The following AFG1L variants were observed in gnomAD, a reference collection of about 807,000 sequenced individuals.
AFG1L encodes the protein AFG1 like ATPase.
In AFG1L, 53 loss-of-function variants were observed where a neutral mutation model predicts 62.2. The observed-to-expected ratio is 0.85, with a 90% CI of 0.68 to 1.07. The LOEUF (loss-of-function observed/expected upper bound fraction) is 1.07. AFG1L is among the 50% of genes least tolerant of loss of function. The pLI is 0.00. For missense variants in AFG1L, 555 were observed against 590.5 expected (o/e 0.94, Z 0.62); for synonymous variants, 228 against 210.3 (o/e 1.08, Z -0.73).
At chr6:108,310,859 G>A (rs754322539) in intron 1 of AFG1L, among the ~76,000 whole-genome samples, 2 of 152,160 alleles carry the variant, frequency 1.3e-5, no homozygotes, top group African/African-American at 2.4e-5. Context: ...GTACAGGCAA[G>A]TGTGTCATTG....
At chr6:108,482,422 G>A (rs147607649) in intron 10 of AFG1L, among the ~76,000 whole-genome samples, 1 of 152,078 alleles carries the variant, frequency 6.6e-6, no homozygotes, top group Non-Finnish European at 1.5e-5. Flanking sequence ...CTAGTACAGA[G>A]AGTTTCCATA....
intron 10 of AFG1L, among the ~76,000 whole-genome samples, chr6:108,485,644 ATATATATATATATTTTTTTTT>A (rs1251937302): frequency 5.4e-5 from 1 of 18,460 alleles, no homozygotes; most frequent in Non-Finnish European, 9.7e-5. Context: ...ATATATATAT[ATATATATATATATTTTTTTTT>A]TTTTTTTTTT....
intron 6 of AFG1L, 68 bp downstream of exon 6, chr6:108,366,400 A>ATT (rs1344844331): frequency 2.1e-5 from 19 of 907,060 alleles, no homozygotes; most frequent in Non-Finnish European, 3.3e-5. Context: ...AAAATCCATA[A>ATT]TTTTGAACTA....
intron 12 of AFG1L, chr6:108,521,691 C>T (rs1775131069): frequency 6.6e-6 from 1 of 152,218 alleles, no homozygotes; most frequent in South Asian, 2.1e-4. Flanking sequence ...ATTCCAAGCC[C>T]ACTTAGTGGC....
intron 6 of AFG1L, among the ~76,000 whole-genome samples, chr6:108,380,880 A>G (rs1056702406): frequency 6.6e-6 from 1 of 152,200 alleles, no homozygotes; most frequent in Non-Finnish European, 1.5e-5. Flanking sequence ...CCTTTCTCAC[A>G]TACTGGGGCT....
chr6:108,516,705 T>C (rs1774909518), intron 11 of AFG1L, among the ~76,000 whole-genome samples: 2 of 152,100 alleles, frequency 1.3e-5, no homozygotes, highest in South Asian at 4.1e-4. Flanking sequence ...AAAGAGGAAG[T>C]CAAATTGTCC....
intron 3 of AFG1L, among the ~76,000 whole-genome samples, chr6:108,348,369 C>T (rs1055342655): frequency 1.3e-5 from 2 of 152,202 alleles, no homozygotes; most frequent in Admixed American, 6.5e-5. Flanking sequence ...TGAGCCATGG[C>T]GCCCAGCCAA....
At chr6:108,339,352 G>A (rs1020472431) in intron 2 of AFG1L, among the ~76,000 whole-genome samples, 3 of 151,796 alleles carry the variant, frequency 2.0e-5, no homozygotes, top group Non-Finnish European at 1.5e-5. Flanking sequence ...GTTGGCCAGG[G>A]TGGTCTCAAA....
chr6:108,446,091 CA>C (rs1562166627), intron 7 of AFG1L, among the ~76,000 whole-genome samples: 17 of 142,012 alleles, frequency 1.2e-4, no homozygotes, highest in South Asian at 4.3e-4. Context: ...CACACACACA[CA>C]CACACACACA....
intron 8 of AFG1L, among the ~76,000 whole-genome samples, chr6:108,462,540 G>A (rs935806647): frequency 3.9e-5 from 6 of 152,146 alleles, no homozygotes; most frequent in Non-Finnish European, 7.4e-5. Context: ...TTCACTATTT[G>A]AAACAGCACC....
intron 2 of AFG1L, among the ~76,000 whole-genome samples, chr6:108,341,225 T>C (rs959604452): frequency 6.6e-6 from 1 of 152,212 alleles, no homozygotes; most frequent in African/African-American, 2.4e-5. Flanking sequence ...TCTTTGGAAT[T>C]TATTGAAGTT....
intron 6 of AFG1L, among the ~76,000 whole-genome samples, chr6:108,384,256 G>T (rs1780669881): frequency 6.6e-6 from 1 of 152,154 alleles, no homozygotes; most frequent in Non-Finnish European, 1.5e-5. Context: ...AGAGTTTGCG[G>T]TAAGAACTAC....
At position 108,511,357 on chromosome 6, in the gene AFG1L, C is replaced by A. The variant is rs1000552614; in HGVS notation, c.1203+1005C>A. Among the ~76,000 whole-genome samples the A allele has an allele frequency of 3.3e-5, 5 of 152,202 alleles. No individual in the cohort carries two copies. In the East Asian group the frequency reaches 9.7e-4, roughly 29 times the overall value. ...ATCCGCATGTTTTAGTGTGAATTGC[C>A]AAGTCACTGCCCATTCATCAAAGGC... is the stretch of plus-strand genomic sequence containing the variant. On this transcript the variant is annotated intron_variant, in intron 11 of 12. Transcript: ENST00000368977.
chr6:108,461,544 G>A (rs987484490), intron 8 of AFG1L, among the ~76,000 whole-genome samples: 4 of 151,976 alleles, frequency 2.6e-5, no homozygotes, highest in Non-Finnish European at 4.4e-5. Flanking sequence ...CTGCAGCCTC[G>A]TCCTAGACTC....
intron 12 of AFG1L, 178 bp downstream of exon 12, chr6:108,519,988 T>A (rs1478009053): frequency 1.6e-5 from 7 of 430,308 alleles, no homozygotes; most frequent in Non-Finnish European, 2.5e-5. Flanking sequence ...TAGAAAATTA[T>A]AAACTTACAG....
At chr6:108,386,849 A>G (rs913079138) in intron 6 of AFG1L, among the ~76,000 whole-genome samples, 3 of 152,214 alleles carry the variant, frequency 2.0e-5, no homozygotes, top group Non-Finnish European at 2.9e-5. Flanking sequence ...AGAGCATGAA[A>G]AGCTAAGGAT....
intron 6 of AFG1L, among the ~76,000 whole-genome samples, chr6:108,369,145 A>G (rs1050745534): frequency 6.6e-6 from 1 of 152,116 alleles, no homozygotes. Context: ...GGAGAAAAAG[A>G]CTCAGAGAGA....
At chr6:108,427,671 G>A (rs1328535899) in intron 7 of AFG1L, among the ~76,000 whole-genome samples, 1 of 151,856 alleles carries the variant, frequency 6.6e-6, no homozygotes, top group African/African-American at 2.4e-5. Flanking sequence ...ACAGGTGAAC[G>A]CCACCATACC....
Position 108,510,236 on chromosome 6 carries a change from G to A in AFG1L, c.1087G>A (p.Glu363Lys), listed in dbSNP as rs978567989. 4 of 1,609,782 alleles carry A rather than the reference G, an allele frequency of 2.5e-6. No homozygotes were observed. The highest frequency in any genetic ancestry group is 3.4e-6 in the Non-Finnish European group (4 of 1,178,392). The change falls in exon 11 of 13, where the codon GAA becomes AAA. Residue 363 changes from glutamate to lysine, a missense_variant. Glu to Lys is a moderately conservative substitution (Grantham distance 56). Transcript: ENST00000368977. Reference sequence around the variant, plus strand: ...GCCACTTGGAGCCAGTGACTATTTGGAACTATCAAAGAATTTTGATACAAT... The same window carrying A: ...GCCACTTGGAGCCAGTGACTATTTGAAACTATCAAAGAATTTTGATACAAT... ...ERPLGASDYL[E>K]LSKNFDTIFL...
Sources: allele counts gnomAD v4.1 joint callset (sites outside exome capture counted in the v4.1 genomes callset), GRCh38; gene constraint gnomAD v4.1.1; transcripts MANE v1.5; gene names NCBI Gene and HGNC (gene_info 2026-07-23, HGNC 2026-07-21).